The following ABCA3 variants were observed in gnomAD, a reference collection of about 807,000 sequenced individuals.
The protein encoded by ABCA3 is phospholipid-transporting ATPase ABCA3.
In ABCA3, 88 loss-of-function variants were observed where a neutral mutation model predicts 172.8. The ratio of observed to expected loss-of-function variants is 0.51; its 90% CI spans 0.43 to 0.61. ABCA3 has a LOEUF of 0.61. Among genes scored for constraint, ABCA3 ranks in the 20% least tolerant of loss-of-function variants. The pLI, the probability that ABCA3 is intolerant of heterozygous loss-of-function variation, is 0.00. For missense variants in ABCA3, 2,164 were observed against 2,301.0 expected (o/e 0.94, Z 1.22); for synonymous variants, 1,066 against 983.8 (o/e 1.08, Z -1.56).
chr16:2,332,269 A>G, intron 1 of ABCA3: 1 of 510,686 alleles, frequency 2.0e-6, no homozygotes, highest in Non-Finnish European at 3.6e-6. Flanking sequence ...AAATCCTTCA[A>G]AATCTGTTTA....
chr16:2,286,959 C>T lies in ABCA3; in HGVS notation c.3013G>A (p.Glu1005Lys). ...GAAGCCCTGAAGATCAAGAACTCCT[C>T]CAGGTCACCTGGGGAGCAATGGCAG... ...QEPREVLGDL[E>K]EFLIFRASVE... Residue 1005 changes from glutamate to lysine, a missense_variant, in exon 22 of 33, where the codon GAG becomes AAG. By Grantham distance (56) the Glu-to-Lys change is moderately conservative. Transcript: ENST00000301732. This position sits in a 1 kb window ranked among gnomAD's most constrained non-coding sequence, Gnocchi z 5.2. 1.2e-6 allele frequency: 2 copies of T among 1,613,206 alleles called. No individual in the cohort carries two copies. Among genetic ancestry groups the T allele is most frequent in the Non-Finnish European group, 8.5e-7 (1 of 1,179,840 alleles).
Position 2,297,382 on chromosome 16 carries a change from G to C in ABCA3, c.2210C>G (p.Ala737Gly), listed in dbSNP as rs1157887800. The change falls in exon 17 of 33, where the codon GCC becomes GGC. Residue 737 changes from alanine to glycine, a missense_variant. Around this residue, in one of 3 missense-constraint regions of ABCA3, gnomAD observed 1,343 missense variants for 1,369.6 expected, o/e 0.98. Coordinates refer to ENST00000301732, the MANE Select transcript of ABCA3 (RefSeq NM_001089.3). The surrounding 1 kb of genome is among the most constrained non-coding windows in gnomAD (Gnocchi z 5.6). ...DLLGDRIAIMAKGELQCCGSS... is the reference protein window; with the variant it reads ...DLLGDRIAIMGKGELQCCGSS... ...CCCGCAGCACTGCAGCTCCCCCTTG[G>C]CCATGATGGCGATGCGGTCTCCCAG... 1 of 1,613,280 alleles carries C rather than the reference G, an allele frequency of 6.2e-7. No individual in the cohort carries two copies. The highest frequency in any genetic ancestry group is 8.5e-7 in the Non-Finnish European group (1 of 1,180,004).
chr16:2,313,832 T>C (rs1437284680), intron 10 of ABCA3, among the ~76,000 whole-genome samples: 5 of 150,462 alleles, frequency 3.3e-5, no homozygotes, highest in Non-Finnish European at 3.0e-5. Flanking sequence ...AAGGCGGAGG[T>C]TGCAGTGAGC....
chr16:2,295,282 G>A (rs375659870), intron 18 of ABCA3, among the ~76,000 whole-genome samples: 8 of 152,218 alleles, frequency 5.3e-5, no homozygotes, highest in African/African-American at 1.7e-4. Flanking sequence ...GCCGCAGCAC[G>A]TGTTGAGCCT....
Position 2,303,969 on chromosome 16 carries a change from C to T in ABCA3, c.1467G>A (p.Met489Ile), listed in dbSNP as rs778619873. Residue 489 changes from methionine to isoleucine, a missense_variant and splice_region_variant, in exon 12 of 33, where the codon ATG becomes ATA. Transcript: ENST00000301732. ...TCAAGAGCAGGGCATCAGAACTCAC[C>T]ATGATGAAGAAGTACCAGGGCTGAG... ...GVPQPWYFFI[M>I]PSYWCGKPRA... 1 of 1,614,088 alleles carries T rather than the reference C, an allele frequency of 6.2e-7. No homozygotes were observed. The highest frequency in any genetic ancestry group is 1.7e-5 in the Admixed American group (1 of 60,006).
intron 1 of ABCA3, among the ~76,000 whole-genome samples, chr16:2,330,570 T>C (rs2093741517): frequency 6.6e-6 from 1 of 151,986 alleles, no homozygotes; most frequent in Admixed American, 6.6e-5. Context: ...TCCGCCGACC[T>C]TGGCCTCTCA....
chr16:2,293,366 C>CA (rs2093675001), intron 18 of ABCA3, among the ~76,000 whole-genome samples: 2 of 134,832 alleles, frequency 1.5e-5, no homozygotes, highest in Non-Finnish European at 3.2e-5. Context: ...GGCCAAAATG[C>CA]CTTTTTTTTT....
chr16:2,276,590 G>A lies in ABCA3; in HGVS notation c.*84C>T, dbSNP rs2093646722. On this transcript the variant is annotated 3_prime_UTR_variant, in exon 33 of 33. Transcript: ENST00000301732. The stretch of plus-strand genomic sequence containing the variant: ...AAAAAAGTGATTAAAAATAAAGGAT[G>A]AGATAAACTTGGAGAGAGAGGATGT... The A allele has an allele frequency of 1.9e-6, 3 of 1,578,486 alleles. No homozygotes were observed. Among genetic ancestry groups the A allele is most frequent in the Non-Finnish European group, 2.6e-6 (3 of 1,164,390 alleles).
chr16:2,334,151 A>C (rs1351589033), intron 1 of ABCA3, among the ~76,000 whole-genome samples: 1 of 152,056 alleles, frequency 6.6e-6, no homozygotes, highest in Non-Finnish European at 1.5e-5. Context: ...ATGGCCCGGG[A>C]GGGTGATGGG....
intron 11 of ABCA3, among the ~76,000 whole-genome samples, chr16:2,306,925 A>G (rs536868605): frequency 6.0e-4 from 91 of 150,912 alleles, no homozygotes; most frequent in African/African-American, 1.8e-3. Flanking sequence ...TGAGGCAGGA[A>G]AATGGCATGA....
At chr16:2,313,891 C>CA (rs34599387) in intron 10 of ABCA3, among the ~76,000 whole-genome samples, 23,156 of 126,668 alleles carry the variant, frequency 0.18, 1,892 homozygotes, top group Non-Finnish European at 0.21. Context: ...GATTCCATCT[C>CA]AAAAAAAAAA....
chr16:2,325,942 G>T, intron 5 of ABCA3, 68 bp downstream of exon 5: 1 of 1,603,752 alleles, frequency 6.2e-7, no homozygotes, highest in South Asian at 1.1e-5. Flanking sequence ...TCCTGGGCTC[G>T]ACCCCTGCCT....
intron 28 of ABCA3, 138 bp downstream of exon 28, chr16:2,280,889 C>T (rs1693527387): frequency 4.3e-6 from 5 of 1,150,038 alleles, no homozygotes; most frequent in Non-Finnish European, 2.5e-6. Context: ...TCTCGCTGTC[C>T]AGAGGCATGT....
At position 2,297,401 on chromosome 16, in the gene ABCA3, C is replaced by G; in HGVS notation, c.2191G>C (p.Asp731His). 1 of 1,613,654 alleles carries G rather than the reference C, an allele frequency of 6.2e-7. No homozygotes were observed. The highest frequency in any genetic ancestry group is 8.5e-7 in the Non-Finnish European group (1 of 1,180,004). ...CCCTTGGCCATGATGGCGATGCGGT[C>G]TCCCAGCAGGTCAGCCTCGTCCATG... ...HFMDEADLLG[D>H]RIAIMAKGEL... The change falls in exon 17 of 33, where the codon GAC becomes CAC. Residue 731 changes from aspartate to histidine, a missense_variant. Physicochemically the swap from Asp to His is moderately conservative, Grantham distance 81. This residue lies in a region of ABCA3 where 1,343 missense variants were observed against 1,369.6 expected (regional missense o/e 0.98). Coordinates refer to ENST00000301732, the MANE Select transcript of ABCA3 (RefSeq NM_001089.3). The surrounding 1 kb of genome is among the most constrained non-coding windows in gnomAD (Gnocchi z 5.6).
chr16:2,332,681 A>T (rs2093745332), intron 1 of ABCA3: 2 of 1,594,788 alleles, frequency 1.3e-6, no homozygotes, highest in African/African-American at 2.7e-5. Context: ...CCGCGTTTGC[A>T]GTGTGCCACA....
Position 2,278,351 on chromosome 16 carries a change from A to G in ABCA3, c.4655T>C (p.Leu1552Pro), listed in dbSNP as rs1018087789. Reference protein sequence around the residue: ...STGMDPVARRLLWDTVARARE... With the variant: ...STGMDPVARRPLWDTVARARE... ...GGCTCGTGCCACGGTGTCCCAAAGC[A>G]GGCGCCGGGCCACGGGGTCCATGCC... The change falls in exon 30 of 33, where the codon CTG becomes CCG. Residue 1552 changes from leucine to proline, a missense_variant. Transcript: ENST00000301732. This position sits in a 1 kb window ranked among gnomAD's most constrained non-coding sequence, Gnocchi z 4.4. 3.7e-6 allele frequency: 6 copies of G among 1,611,946 alleles called. No homozygotes were observed. The highest frequency in any genetic ancestry group is 5.1e-6 in the Non-Finnish European group (6 of 1,179,936).
Position 2,288,181 on chromosome 16 carries a change from A to G in ABCA3, c.2849T>C (p.Leu950Pro). The G allele has an allele frequency of 6.2e-7, 1 of 1,605,784 alleles. No individual in the cohort carries two copies. Among genetic ancestry groups the G allele is most frequent in the Non-Finnish European group, 8.5e-7 (1 of 1,176,064 alleles). Residue 950 changes from leucine to proline, a missense_variant, in exon 21 of 33, where the codon CTC (leucine) becomes CCC (proline). Transcript: ENST00000301732. Reference protein sequence around the residue: ...ALLAINYSSELFDDPMLRLTL... With the variant: ...ALLAINYSSEPFDDPMLRLTL... ...CAGCCTCAGCATGGGGTCGTCGAAGAGCTCCGAGGAGTAGTTGATGGCCAG... is the reference window on the plus strand; with the variant it reads ...CAGCCTCAGCATGGGGTCGTCGAAGGGCTCCGAGGAGTAGTTGATGGCCAG...
At chr16:2,292,737 C>T (rs756396933) in intron 18 of ABCA3, among the ~76,000 whole-genome samples, 35 of 152,170 alleles carry the variant, frequency 2.3e-4, no homozygotes, top group East Asian at 3.9e-4. Context: ...CTGAGCAACA[C>T]GGTGAAACTC....
Position 2,286,650 on chromosome 16 carries a change from T to C in ABCA3, c.3278+44A>G. 1 of 1,610,848 alleles carries C rather than the reference T, an allele frequency of 6.2e-7. No homozygotes were observed. Among genetic ancestry groups the C allele is most frequent in the Non-Finnish European group, 8.5e-7 (1 of 1,179,406 alleles). ...TGGCAGTGCCCAGGGCAGTCAGTCC[T>C]GGGGGCTCTGGCCAGGGCAGACAGG... On this transcript the variant is annotated intron_variant, in intron 22 of 32. Transcript: ENST00000301732. The surrounding 1 kb of genome is among the most constrained non-coding windows in gnomAD (Gnocchi z 5.2).
Sources: gnomAD v4.1 joint callset for allele counts (sites outside exome capture counted in the v4.1 genomes callset) on GRCh38, gnomAD v4.1.1 for gene constraint, gnomAD v4.1.1 regional missense constraint, Gnocchi (gnomAD v3.1) non-coding constraint, MANE v1.5 for transcripts, NCBI Gene and HGNC (gene_info 2026-07-23, HGNC 2026-07-21) for gene names.